The following GLIPR1L2 variants were observed in gnomAD, a reference collection of about 807,000 sequenced individuals.
GLIPR1L2 encodes GLIPR1 like 2.
A neutral mutation model predicts 28.4 loss-of-function variants in GLIPR1L2; 21 were observed. The ratio of observed to expected loss-of-function variants is 0.74; its 90% CI spans 0.52 to 1.06. The LOEUF (loss-of-function observed/expected upper bound fraction) is 1.06. Ranked by LOEUF, GLIPR1L2 falls within the 50% of genes least tolerant of loss-of-function variation. The probability of loss-of-function intolerance (pLI) is 0.00; values close to 1 mark genes in which losing one functional copy is unlikely to be tolerated. For missense variants in GLIPR1L2, 476 were observed against 416.9 expected, an observed-to-expected ratio of 1.14 and a Z score of -1.23; for synonymous variants, 145 against 139.3, an observed-to-expected ratio of 1.04 and a Z score of -0.29.
chr12:75,423,339 A>G, intron 4 of GLIPR1L2: 10 of 1,067,406 alleles, frequency 9.4e-6, no homozygotes, highest in Non-Finnish European at 1.1e-5. Context: ...CAAAATATTT[A>G]TGAAGTAGCA....
intron 1 of GLIPR1L2, among the ~76,000 whole-genome samples, chr12:75,392,830 G>T (rs1248605296): frequency 6.6e-6 from 1 of 151,908 alleles, no homozygotes; most frequent in African/African-American, 2.4e-5. Context: ...TAAAGGAATA[G>T]TATTTGATAT....
intron 1 of GLIPR1L2, among the ~76,000 whole-genome samples, chr12:75,403,931 C>G (rs1355664609): frequency 6.6e-6 from 1 of 152,108 alleles, no homozygotes; most frequent in Admixed American, 6.6e-5. Context: ...AATATCTAAA[C>G]AACTATTTGA....
intron 3 of GLIPR1L2, 46 bp downstream of exon 3, chr12:75,413,747 T>C: frequency 1.1e-6 from 1 of 935,480 alleles, no homozygotes; most frequent in Non-Finnish European, 1.6e-6. Flanking sequence ...TCAGAATATT[T>C]CAAGGTGAGT....
chr12:75,413,375 A>G (rs2045890873), intron 2 of GLIPR1L2, among the ~76,000 whole-genome samples: 2 of 151,914 alleles, frequency 1.3e-5, no homozygotes, highest in African/African-American at 4.8e-5. Flanking sequence ...AAAAAAAAGA[A>G]TATGTTATTG....
At chr12:75,399,116 A>C (rs902669383) in intron 1 of GLIPR1L2, among the ~76,000 whole-genome samples, 1 of 152,218 alleles carries the variant, frequency 6.6e-6, no homozygotes, top group African/African-American at 2.4e-5. Flanking sequence ...TTTAAAAATA[A>C]ATAAGCATAG....
At chr12:75,401,060 T>G (rs915880613) in intron 1 of GLIPR1L2, among the ~76,000 whole-genome samples, 3 of 151,936 alleles carry the variant, frequency 2.0e-5, no homozygotes, top group African/African-American at 7.2e-5. Context: ...GAAAAGTTAC[T>G]TGAACTTCCA....
At chr12:75,412,999 G>A (rs1209180477) in intron 2 of GLIPR1L2, among the ~76,000 whole-genome samples, 2 of 151,850 alleles carry the variant, frequency 1.3e-5, no homozygotes, top group East Asian at 1.9e-4. Context: ...TATACACCAT[G>A]GAATACTATG....
At chr12:75,425,857 A>G (rs751600889) in intron 4 of GLIPR1L2, among the ~76,000 whole-genome samples, 1 of 152,190 alleles carries the variant, frequency 6.6e-6, no homozygotes, top group Non-Finnish European at 1.5e-5. Flanking sequence ...GAATACAAAT[A>G]TGTAAAGGAA....
At chr12:75,416,764 C>T (rs10506669) in intron 3 of GLIPR1L2, among the ~76,000 whole-genome samples, 26,599 of 152,038 alleles carry the variant, frequency 0.17, 2,569 homozygotes, top group Admixed American at 0.24. Flanking sequence ...TTGCTACTCT[C>T]TTATTGCACA....
intron 1 of GLIPR1L2, among the ~76,000 whole-genome samples, chr12:75,405,521 T>G (rs1013603950): frequency 9.9e-5 from 15 of 152,144 alleles, no homozygotes; most frequent in African/African-American, 3.4e-4. Context: ...ATTGGTCAGC[T>G]GAGTAATTGA....
At chr12:75,397,408 G>A (rs1286680663) in intron 1 of GLIPR1L2, among the ~76,000 whole-genome samples, 1 of 151,716 alleles carries the variant, frequency 6.6e-6, no homozygotes, top group Admixed American at 6.6e-5. Context: ...TTGGGTGCCA[G>A]TTCTCTTGTT....
At chr12:75,422,169 C>A (rs888507951) in intron 3 of GLIPR1L2, among the ~76,000 whole-genome samples, 1 of 150,048 alleles carries the variant, frequency 6.7e-6, no homozygotes, top group Non-Finnish European at 1.5e-5. Flanking sequence ...AAAAATATAT[C>A]TTTTTGAAGA....
At chr12:75,400,931 G>A (rs917176705) in intron 1 of GLIPR1L2, among the ~76,000 whole-genome samples, 3 of 119,656 alleles carry the variant, frequency 2.5e-5, no homozygotes, top group East Asian at 2.5e-4. Context: ...ATATATATAT[G>A]TGTGTGTATT....
chr12:75,411,244 G>A (rs927923624), intron 2 of GLIPR1L2, among the ~76,000 whole-genome samples: 1 of 151,712 alleles, frequency 6.6e-6, no homozygotes, highest in African/African-American at 2.4e-5. Flanking sequence ...TACACTGAGG[G>A]CAGGGACCTT....
chr12:75,416,008 G>C (rs941232846), intron 3 of GLIPR1L2, among the ~76,000 whole-genome samples: 3 of 152,050 alleles, frequency 2.0e-5, no homozygotes, highest in Admixed American at 6.6e-5. Flanking sequence ...CTGAGGAGTG[G>C]AGGATCTTGT....
chr12:75,393,478 T>C (rs940948138), intron 1 of GLIPR1L2, among the ~76,000 whole-genome samples: 1 of 152,158 alleles, frequency 6.6e-6, no homozygotes, highest in Non-Finnish European at 1.5e-5. Context: ...GTACCAAATA[T>C]AAGTGGAATC....
At chr12:75,391,523 C>T in intron 1 of GLIPR1L2, 173 bp downstream of exon 1, 2 of 1,531,764 alleles carry the variant, frequency 1.3e-6, no homozygotes, top group Non-Finnish European at 1.7e-6. Context: ...TGCGGACACT[C>T]TAACACATGC....
chr12:75,391,664 A>G (rs2045602695), intron 1 of GLIPR1L2: 6 of 627,046 alleles, frequency 9.6e-6, no homozygotes, highest in Admixed American at 5.8e-5. Context: ...ATTAAAAATC[A>G]GTGCAAAAAT....
At chr12:75,396,566 T>C (rs187112475) in intron 1 of GLIPR1L2, among the ~76,000 whole-genome samples, 2 of 152,332 alleles carry the variant, frequency 1.3e-5, no homozygotes, top group African/African-American at 2.4e-5. Context: ...TTGAATGATA[T>C]TGTTCTCTCT....
Sources: gnomAD v4.1 joint callset for allele counts (sites outside exome capture counted in the v4.1 genomes callset) on GRCh38, gnomAD v4.1.1 for gene constraint, MANE v1.5 for transcripts, NCBI Gene and HGNC (gene_info 2026-07-23, HGNC 2026-07-21) for gene names.